Variants in NUTM2G observed in about 807,000 individuals in gnomAD.
NUTM2G encodes the protein NUT family member 2G, also known as family with sequence similarity 22, member G.
In NUTM2G, 29 loss-of-function variants were observed where a neutral mutation model predicts 44.3. The ratio of observed to expected loss-of-function variants is 0.66; its 90% CI spans 0.49 to 0.89. NUTM2G has a LOEUF of 0.89. NUTM2G is among the 40% of genes least tolerant of loss of function. The pLI is 0.00. For missense variants in NUTM2G, 502 were observed against 946.5 expected (o/e 0.53, Z 6.16); for synonymous variants, 205 against 395.9 (o/e 0.52, Z 5.72).
chr9:96,937,684 G>C (rs980355207), intron 5 of NUTM2G, among the ~76,000 whole-genome samples: 6 of 149,918 alleles, frequency 4.0e-5, no homozygotes, highest in African/African-American at 1.3e-4. Context: ...CTGTGTGTCT[G>C]TGTGTGGTTT....
chr9:96,932,526 G>C, intron 2 of NUTM2G, 108 bp downstream of exon 2: 1 of 1,276,568 alleles, frequency 7.8e-7, no homozygotes, highest in East Asian at 2.4e-5. Context: ...GCGGTTGTGA[G>C]GGTGATGGGT....
intron 5 of NUTM2G, 102 bp from the exon 6 acceptor site, chr9:96,937,779 AGGGT>A: frequency 6.9e-7 from 1 of 1,442,078 alleles, no homozygotes; most frequent in Admixed American, 1.7e-5. Flanking sequence ...CAGCCCCAGG[AGGGT>A]GGGAATGGGG....
chr9:96,934,977 C>T lies in NUTM2G; in HGVS notation c.714-351C>T, dbSNP rs572639444. ...GCTCGGATTCCATGACTGGGACCCA[C>T]GCTCATGACCTGCTCTAACCCTGAT... On this transcript the variant is annotated intron_variant, in intron 2 of 6. Coordinates refer to ENST00000372322, the MANE Select transcript of NUTM2G (RefSeq NM_001170741.3). 4.6e-5 allele frequency among the ~76,000 whole-genome samples: 7 copies of T among 152,176 alleles called. No homozygotes were observed. In the East Asian group the frequency reaches 5.8e-4, roughly 13 times the overall value.
downstream of NUTM2G, among the ~76,000 whole-genome samples, chr9:96,940,703 A>G (rs1053694286): frequency 2.6e-5 from 4 of 152,094 alleles, no homozygotes; most frequent in African/African-American, 9.7e-5. Context: ...CAGCAGCAGA[A>G]GCTGATGGGG....
intron 1 of NUTM2G, 130 bp from the exon 2 acceptor site, chr9:96,931,592 T>A (rs1467513695): frequency 1.3e-6 from 1 of 779,502 alleles, no homozygotes; most frequent in African/African-American, 1.8e-5. Context: ...TGATGCACAC[T>A]CAGGGACACT....
At chr9:96,940,889 C>T (rs1414279325), downstream of NUTM2G, among the ~76,000 whole-genome samples, 5 of 152,248 alleles carry the variant, frequency 3.3e-5, no homozygotes, top group African/African-American at 1.2e-4. Flanking sequence ...CACCCGCTTT[C>T]GCCTTTGGGA....
chr9:96,930,920 A>G (rs1186276073), intron 1 of NUTM2G, among the ~76,000 whole-genome samples: 16 of 81,296 alleles, frequency 2.0e-4, no homozygotes, highest in African/African-American at 5.3e-4. Context: ...TTTGAGACGG[A>G]GTCTCGCTCT....
chr9:96,930,996 G>T (rs1340306995), intron 1 of NUTM2G, among the ~76,000 whole-genome samples: 2 of 141,206 alleles, frequency 1.4e-5, no homozygotes, highest in African/African-American at 5.2e-5. Flanking sequence ...CTCGGTTCAA[G>T]CAATTCTCCT....
In NUTM2G at chr9:96,938,544, G is replaced by GC. The variant is rs1826521157; in HGVS notation, c.1624dup (p.Gln542ProfsTer72). 1 of 1,613,638 alleles carries GC rather than the reference G, an allele frequency of 6.2e-7. No homozygotes were observed. Among genetic ancestry groups the GC allele is most frequent in the Non-Finnish European group, 8.5e-7 (1 of 1,179,694 alleles). ...GGAAACCTCCCCACCCCAGACGGCT[G>GC]CCCAGGACCCTCAGGGACAGGGCAG... On this transcript the variant is annotated frameshift_variant, in exon 7 of 7. Coordinates refer to ENST00000372322, the MANE Select transcript of NUTM2G (RefSeq NM_001170741.3). LOFTEE classifies it low-confidence loss of function (END_TRUNC).
chr9:96,932,479 T>C (rs1364145989), intron 2 of NUTM2G, 61 bp downstream of exon 2: 1 of 1,136,936 alleles, frequency 8.8e-7, no homozygotes, highest in Non-Finnish European at 1.3e-6. Context: ...GGCTGCTGGA[T>C]GGACAGGAGG....
At chr9:96,930,392 C>T (rs1051099730) in intron 1 of NUTM2G, among the ~76,000 whole-genome samples, 3 of 152,000 alleles carry the variant, frequency 2.0e-5, no homozygotes, top group Non-Finnish European at 2.9e-5. Context: ...GGCATGGTGG[C>T]GGGAGCCTGT....
chr9:96,937,160 C>T lies in NUTM2G; in HGVS notation c.1079C>T (p.Pro360Leu). The T allele has an allele frequency of 1.2e-6, 2 of 1,612,316 alleles. No individual in the cohort carries two copies. Among genetic ancestry groups the T allele is most frequent in the Non-Finnish European group, 1.7e-6 (2 of 1,179,864 alleles). ...RPAETKAHLP[P>L]PRPPRPAETK... is the part of the protein sequence containing the mutation. ...GCGGAGACCAAGGCCCACCTGCCAC[C>T]ACCCAGGCCCCCGAGGCCAGCAGAG... The change falls in exon 5 of 7, where the codon CCA (proline) becomes CTA (leucine). Residue 360 changes from proline to leucine, a missense_variant. Physicochemically the swap from Pro to Leu is moderately conservative, Grantham distance 98. Transcript: ENST00000372322.
At position 96,937,342 on chromosome 9, in the gene NUTM2G, T is replaced by C. The variant is rs777419009; in HGVS notation, c.1261T>C (p.Ser421Pro). The change falls in exon 5 of 7, where the codon TCA becomes CCA. Residue 421 changes from serine (S) to proline (P), a missense_variant. By Grantham distance (74) the Ser-to-Pro change is moderately conservative. Transcript: ENST00000372322. ...GCCGCAGGAAGAGGACGGGATGACC[T>C]CAGACCCGGGCCTCCTGAGCTACAT... The part of the protein sequence containing the change: ...EQPQEEDGMT[S>P]DPGLLSYIDK... The C allele has an allele frequency of 6.2e-7, 1 of 1,613,910 alleles. No homozygotes were observed. The highest frequency in any genetic ancestry group is 1.1e-5 in the South Asian group (1 of 91,066).
chr9:96,937,033 C>T lies in NUTM2G; in HGVS notation c.983-31C>T, dbSNP rs994778568. ...GTGCAGGCAGGAGGAGCGGCCCTCA[C>T]CACACCCATCCTCCTCCCTCTCTGC... On this transcript the variant is annotated intron_variant, in intron 4 of 6. Transcript: ENST00000372322. 29 of 1,565,612 alleles carry T rather than the reference C, an allele frequency of 1.9e-5. No individual in the cohort carries two copies. In the African/African-American group the frequency reaches 3.6e-4, roughly 20 times the overall value.
At chr9:96,930,479 G>A (rs1826204150) in intron 1 of NUTM2G, among the ~76,000 whole-genome samples, 1 of 144,002 alleles carries the variant, frequency 6.9e-6, no homozygotes, top group Admixed American at 7.0e-5. Flanking sequence ...AGCTGAGATC[G>A]CACCACTGCA....
At chr9:96,935,019 C>A (rs1430944611) in intron 2 of NUTM2G, among the ~76,000 whole-genome samples, 4 of 152,224 alleles carry the variant, frequency 2.6e-5, no homozygotes, top group Non-Finnish European at 5.9e-5. Flanking sequence ...CAAATACTGA[C>A]ACACTGGCAC....
rs563994080 is a variant in NUTM2G, at chr9:96,931,730, G to A, written c.25G>A (p.Val9Met). 54 of 1,611,560 alleles carry A rather than the reference G, an allele frequency of 3.4e-5. 1 individual carries two copies. The African/African-American group carries it at 5.8e-4, about 17-fold the overall frequency. Residue 9 changes from valine to methionine, a missense_variant, in exon 2 of 7, where the codon GTG becomes ATG. Physicochemically the swap from Val to Met is conservative, Grantham distance 21. Transcript: ENST00000372322. MASNGAYP[V>M]LGPGVTVNPG... ...TTCCTTTGTCTCCACAGCATACCCA[G>A]TGCTGGGACCCGGCGTGACCGTGAA...
In NUTM2G at chr9:96,938,912, T is replaced by G; in HGVS notation, c.1989T>G (p.Ser663=). Residue 663 remains serine (S), a synonymous_variant, in exon 7 of 7, where the codon TCT becomes TCG. Transcript: ENST00000372322. ...GGRGPQGALQ[S]PSAQKRGLSP... is the part of the protein sequence containing the mutation. Reference sequence around the variant, plus strand: ...GAGGACCCCAGGGAGCTCTTCAATCTCCATCTGCTCAGAAAAGAGGCCTCA... The same window carrying G: ...GAGGACCCCAGGGAGCTCTTCAATCGCCATCTGCTCAGAAAAGAGGCCTCA... 1 of 1,587,368 alleles carries G rather than the reference T, an allele frequency of 6.3e-7. No homozygotes were observed. The highest frequency in any genetic ancestry group is 8.5e-7 in the Non-Finnish European group (1 of 1,176,660).
chr9:96,931,619 T>C, intron 1 of NUTM2G, 103 bp from the exon 2 acceptor site: 1 of 1,211,940 alleles, frequency 8.3e-7, no homozygotes, highest in Non-Finnish European at 1.2e-6. Flanking sequence ...CTGCAGAGTT[T>C]CCCTGTCACA....
Sources: allele counts gnomAD v4.1 joint callset (sites outside exome capture counted in the v4.1 genomes callset), GRCh38; gene constraint gnomAD v4.1.1; transcripts MANE v1.5; gene names NCBI Gene and HGNC (gene_info 2026-07-23, HGNC 2026-07-21).